The following NOL9 variants were observed in gnomAD, a reference collection of about 807,000 sequenced individuals.
NOL9 encodes polynucleotide 5'-hydroxyl-kinase NOL9.
In NOL9, 28 loss-of-function variants were observed where a neutral mutation model predicts 67.9. The observed-to-expected ratio is 0.41, with a 90% CI of 0.31 to 0.57. The LOEUF (loss-of-function observed/expected upper bound fraction) is 0.57, where lower values mean the gene tolerates loss of function less well. Among genes scored for constraint, NOL9 ranks in the 20% least tolerant of loss-of-function variants. NOL9 has a pLI of 0.25. For missense variants in NOL9, 777 were observed against 897.0 expected (o/e 0.87, Z 1.71); for synonymous variants, 356 against 352.2 (o/e 1.01, Z -0.12).
intron 7 of NOL9, among the ~76,000 whole-genome samples, 166 bp from the exon 8 acceptor site, chr1:6,532,926 A>C (rs1367587521): frequency 1.3e-5 from 2 of 152,258 alleles, no homozygotes; most frequent in African/African-American, 2.4e-5. Context: ...TAATCCCAGC[A>C]TGCCTTGACA....
intron 5 of NOL9, among the ~76,000 whole-genome samples, chr1:6,544,301 C>A (rs943308370): frequency 6.6e-6 from 1 of 150,520 alleles, no homozygotes; most frequent in Non-Finnish European, 1.5e-5. Context: ...AAAAATTAAG[C>A]GAAAATTCCC....
At chr1:6,542,419 C>T (rs1639315544) in intron 5 of NOL9, among the ~76,000 whole-genome samples, 3 of 149,800 alleles carry the variant, frequency 2.0e-5, no homozygotes, top group African/African-American at 7.4e-5. Flanking sequence ...CACCTCGGTC[C>T]CCCAAAGTGC....
At chr1:6,553,265 C>T (rs972942925) in intron 1 of NOL9, among the ~76,000 whole-genome samples, 16 of 152,156 alleles carry the variant, frequency 1.1e-4, no homozygotes, top group African/African-American at 3.4e-4. Flanking sequence ...TCCAGAACTT[C>T]CTGGGTTTTG....
In NOL9 at chr1:6,526,934, C is replaced by T. The variant is rs72862813; in HGVS notation, c.1826-105G>A. ...TTTTGAACATAAGTCTTTATATCAA[C>T]TCTGTTTTGTTTTGAAAATACAAAG... is the stretch of plus-strand genomic sequence containing the variant. On this transcript the variant is annotated intron_variant, in intron 10 of 11. Transcript: ENST00000377705. The T allele has an allele frequency of 4.6e-3, 6,399 of 1,383,702 alleles. 230 individuals carry two copies. The African/African-American group carries it at 0.079, about 17-fold the overall frequency. 85.7% of individuals were successfully genotyped at this position (1,383,702 alleles called of 1,614,324 possible).
rs1639519323 is a variant in NOL9, at chr1:6,550,397, A to C, written c.615T>G (p.Leu205=). 2 of 1,612,948 alleles carry C rather than the reference A, an allele frequency of 1.2e-6. No individual in the cohort carries two copies. The highest frequency in any genetic ancestry group is 1.7e-6 in the Non-Finnish European group (2 of 1,178,988). Residue 205 remains leucine (L), a splice_region_variant and synonymous_variant, in exon 2 of 12, where the codon CTT becomes CTG. Transcript: ENST00000377705. The part of the protein sequence containing the change: ...ARNLLKSHLN[L]DDRRWSMQNF... ...AAATTACCCAGTTCTTTTCATTACC[A>C]AGGTTAAGATGAGATTTGAGCAAAT...
chr1:6,524,004 A>G lies in NOL9; in HGVS notation c.*1850T>C, dbSNP rs1638825563. ...AAGATACACGAAAGTGGAGAAAGGC[A>G]AAACATTGATGGTGATGGATTGTCT... On this transcript the variant is annotated 3_prime_UTR_variant, in exon 12 of 12. Transcript: ENST00000377705. 6.6e-6 allele frequency: 1 copy of G among 152,260 alleles called. No individual in the cohort carries two copies. Among genetic ancestry groups the G allele is most frequent in the East Asian group, 1.9e-4 (1 of 5,202 alleles). The allele number at this position is 152,260 out of a possible 1,614,324, so 9.4% of individuals were successfully genotyped here. A position where few individuals can be genotyped will look rare whatever the true frequency, so the allele number is the denominator to read the frequency against.
At chr1:6,544,974 C>G (rs781406672) in intron 4 of NOL9, 52 bp from the exon 5 acceptor site, 27 of 1,613,978 alleles carry the variant, frequency 1.7e-5, no homozygotes, top group Admixed American at 6.7e-5. Flanking sequence ...TCCTTGGACT[C>G]GAATTATGAC....
chr1:6,554,310 C>T lies in NOL9; in HGVS notation c.193G>A (p.Gly65Arg). 6.8e-7 allele frequency: 1 copy of T among 1,480,522 alleles called. No individual in the cohort carries two copies. The highest frequency in any genetic ancestry group is 8.9e-7 in the Non-Finnish European group (1 of 1,118,610). The allele number at this position is 1,480,522 out of a possible 1,614,324, so 91.7% of individuals were successfully genotyped here. ...AQASGVDWRE[G>R]ARQVSRAAAA... The stretch of plus-strand genomic sequence containing the variant: ...GCCGCGCGCGACACCTGGCGGGCTC[C>T]CTCCCTCCAGTCCACGCCGGACGCC... The change falls in exon 1 of 12, where the codon GGA (glycine) becomes AGA (arginine). Residue 65 changes from glycine to arginine, a missense_variant. Coordinates refer to ENST00000377705, the MANE Select transcript of NOL9 (RefSeq NM_024654.5).
rs115718434 is a variant in NOL9, at chr1:6,548,287, C to T, written c.744+1284G>A. 8.7e-3 allele frequency among the ~76,000 whole-genome samples: 1,320 copies of T among 152,006 alleles called. 16 individuals are homozygous for T. Among genetic ancestry groups the T allele is most frequent in the African/African-American group, 0.029 (1,203 of 41,454 alleles). On this transcript the variant is annotated intron_variant, in intron 3 of 11. Transcript: ENST00000377705. ...CTCACCTCTGGAGTAACTGGGATTA[C>T]AGGTGCATGCCCCATGCCCTGCTAA...
At chr1:6,553,892 C>A (rs1388855041) in intron 1 of NOL9, among the ~76,000 whole-genome samples, 1 of 152,076 alleles carries the variant, frequency 6.6e-6, no homozygotes, top group Non-Finnish European at 1.5e-5. Context: ...CCCTTTAGCT[C>A]GTAAGGCCTA....
At chr1:6,548,775 G>C (rs1306912121) in intron 3 of NOL9, among the ~76,000 whole-genome samples, 3 of 151,900 alleles carry the variant, frequency 2.0e-5, no homozygotes, top group Non-Finnish European at 4.4e-5. Context: ...GAAATATAAA[G>C]ACAACCATTA....
intron 3 of NOL9, 81 bp from the exon 4 acceptor site, chr1:6,545,261 T>A: frequency 7.3e-6 from 10 of 1,368,510 alleles, no homozygotes; most frequent in Non-Finnish European, 9.1e-6. Context: ...CCTCACACAG[T>A]TGTGAGCCAG....
At chr1:6,552,525 C>T (rs778352439) in intron 1 of NOL9, among the ~76,000 whole-genome samples, 11 of 152,152 alleles carry the variant, frequency 7.2e-5, no homozygotes, top group Non-Finnish European at 1.5e-4. Flanking sequence ...CAGGTTAAAG[C>T]AATTCTCCTG....
intron 6 of NOL9, among the ~76,000 whole-genome samples, chr1:6,535,316 G>C (rs1317628291): frequency 6.6e-6 from 1 of 152,114 alleles, no homozygotes; most frequent in African/African-American, 2.4e-5. Context: ...AAGGAGCCAG[G>C]GCTCTCTGGA....
intron 2 of NOL9, among the ~76,000 whole-genome samples, chr1:6,550,031 A>C (rs1639510160): frequency 1.3e-5 from 1 of 76,794 alleles, no homozygotes; most frequent in South Asian, 5.4e-4. Flanking sequence ...GTAAGCATCT[A>C]AAATAATTTT....
rs186348410 is a variant in NOL9, at chr1:6,527,024, C to A, written c.1826-195G>T. Reference sequence around the variant, plus strand: ...ACTCTGGGAGGCCGAGGCGGGTGGACTACCTGAGATCAGGAGTTCGAGACC... The same window carrying A: ...ACTCTGGGAGGCCGAGGCGGGTGGAATACCTGAGATCAGGAGTTCGAGACC... On this transcript the variant is annotated intron_variant, in intron 10 of 11. Transcript: ENST00000377705. Among the ~76,000 whole-genome samples the A allele has an allele frequency of 5.9e-5, 9 of 151,630 alleles. No homozygotes were observed. The East Asian group carries it at 1.8e-3, about 30-fold the overall frequency.
Position 6,530,960 on chromosome 1 carries a change from C to A in NOL9, c.1647+1008G>T, listed in dbSNP as rs148450096. Among the ~76,000 whole-genome samples the A allele has an allele frequency of 2.6e-3, 393 of 152,338 alleles. 3 individuals are homozygous for A. Among genetic ancestry groups the A allele is most frequent in the African/African-American group, 9.1e-3 (378 of 41,572 alleles). On this transcript the variant is annotated intron_variant, in intron 9 of 11. Transcript: ENST00000377705. ...GGGCAAGCTGACTCCCAGTCCCTGG[C>A]CTTGCTTTTACCATCTGTAAAATGG...
chr1:6,529,771 C>T (rs1222737180), intron 9 of NOL9, among the ~76,000 whole-genome samples: 7 of 151,078 alleles, frequency 4.6e-5, no homozygotes, highest in Non-Finnish European at 1.0e-4. Context: ...ACTAAAAATA[C>T]AAAAATTAGC....
intron 6 of NOL9, among the ~76,000 whole-genome samples, chr1:6,541,421 A>G (rs1349186275): frequency 6.6e-6 from 1 of 152,164 alleles, no homozygotes; most frequent in Non-Finnish European, 1.5e-5. Flanking sequence ...ACCTCAGGTG[A>G]TGCACCAGCC....
Sources: allele counts gnomAD v4.1 joint callset (sites outside exome capture counted in the v4.1 genomes callset), GRCh38; gene constraint gnomAD v4.1.1; transcripts MANE v1.5; gene names NCBI Gene and HGNC (gene_info 2026-07-23, HGNC 2026-07-21).